The following CTIF variants were observed in gnomAD, a reference collection of about 807,000 sequenced individuals.
The protein encoded by CTIF is cap binding complex dependent translation initiation factor, also known as CBP80/20-dependent translation initiation factor.
In CTIF, 21 loss-of-function variants were observed where a neutral mutation model predicts 66.0. That is an observed-to-expected ratio of 0.32 (90% CI 0.23 to 0.46). CTIF has a LOEUF of 0.46. CTIF is among the 20% of genes least tolerant of loss of function. The probability of loss-of-function intolerance (pLI) is 1.00; values close to 1 mark genes in which losing one functional copy is unlikely to be tolerated. For synonymous variants in CTIF, 345 were observed against 326.4 expected, an observed-to-expected ratio of 1.06 and a Z score of -0.62; for missense variants, 739 against 812.7, an observed-to-expected ratio of 0.91 and a Z score of 1.10.
rs527717396 is a variant in CTIF at position 48,603,703 on chromosome 18, T to C, written c.-28-15835T>C. Among the ~76,000 whole-genome samples, 13 of 151,998 alleles carry C rather than the reference T, an allele frequency of 8.6e-5. No homozygotes were observed. In the South Asian group the frequency reaches 1.9e-3, roughly 22 times the overall value. ...GTGGATTGCTGGGTGGATGGATGGA[T>C]GAATAGATATAGATGGGTGGCTGGC... is the stretch of plus-strand genomic sequence containing the variant. On this transcript the variant is annotated intron_variant, in intron 1 of 11. Transcript: ENST00000256413.
Position 48,757,355 on chromosome 18 carries a change from G to A in CTIF, c.585-564G>A, listed in dbSNP as rs143473727. 5.4e-3 allele frequency among the ~76,000 whole-genome samples: 814 copies of A among 152,016 alleles called. 8 individuals carry two copies. Among genetic ancestry groups the A allele is most frequent in the African/African-American group, 0.019 (777 of 41,430 alleles). ...CCCATGAAAACTTGTTATAGCATAT[G>A]TAGTTTGTGGGTTTGGGGGTGAAAA... On this transcript the variant is annotated intron_variant, in intron 7 of 11. Transcript: ENST00000256413.
intron 7 of CTIF, among the ~76,000 whole-genome samples, chr18:48,745,847 C>CAGCAGTGG (rs2092591479): frequency 8.6e-5 from 13 of 152,042 alleles, no homozygotes; most frequent in African/African-American, 3.1e-4. Flanking sequence ...TTGAGGAGTC[C>CAGCAGTGG]TCTCTGTGAT....
chr18:48,705,982 TC>T (rs1336011611), intron 6 of CTIF, among the ~76,000 whole-genome samples: 2 of 152,212 alleles, frequency 1.3e-5, no homozygotes, highest in African/African-American at 4.8e-5. Context: ...AGTCTTATTC[TC>T]CTGATATTCT....
chr18:48,722,437 T>C lies in CTIF; in HGVS notation c.584+10742T>C, dbSNP rs185579410. Among the ~76,000 whole-genome samples, 454 of 152,056 alleles carry C rather than the reference T, an allele frequency of 3.0e-3. 2 individuals are homozygous for C. The highest frequency in any genetic ancestry group is 0.01 in the African/African-American group (422 of 41,458). ...GGTTTTGCCATGTTGCCTAAGCTGG[T>C]CTTGAACCCCTGGCCTCAAGCAATC... On this transcript the variant is annotated intron_variant, in intron 7 of 11. Coordinates refer to ENST00000256413, the MANE Select transcript of CTIF (RefSeq NM_014772.3).
intron 9 of CTIF, among the ~76,000 whole-genome samples, chr18:48,788,844 G>C (rs1438424991): frequency 6.6e-6 from 1 of 152,212 alleles, no homozygotes; most frequent in African/African-American, 2.4e-5. Flanking sequence ...GCCCAGAGGT[G>C]TAGGTAGGCC....
chr18:48,787,101 C>G (rs1245571149), intron 9 of CTIF, among the ~76,000 whole-genome samples: 3 of 152,152 alleles, frequency 2.0e-5, no homozygotes, highest in African/African-American at 7.2e-5. Context: ...GAGCTGTGGT[C>G]AGGACAACAG....
At chr18:48,572,993 A>T (rs1192117182) in intron 1 of CTIF, among the ~76,000 whole-genome samples, 1 of 151,812 alleles carries the variant, frequency 6.6e-6, no homozygotes, top group Non-Finnish European at 1.5e-5. Context: ...ACCCTGTCTT[A>T]AAAAAACAAG....
rs75322317 is a variant in CTIF at position 48,818,478 on chromosome 18, C to T, written c.1527+1102C>T. The stretch of plus-strand genomic sequence containing the variant: ...AAGCAAGAGTCAGTTATGTTTGAGT[C>T]GCCTGTTAGCTGTCCCTAGGGAACT... On this transcript the variant is annotated intron_variant, in intron 10 of 11. Transcript: ENST00000256413. 1.4e-3 allele frequency among the ~76,000 whole-genome samples: 217 copies of T among 152,254 alleles called. 7 individuals are homozygous for T. In the East Asian group the frequency reaches 0.039, roughly 28 times the overall value.
intron 11 of CTIF, among the ~76,000 whole-genome samples, chr18:48,858,032 C>T (rs984985094): frequency 2.0e-5 from 3 of 152,262 alleles, no homozygotes; most frequent in Non-Finnish European, 4.4e-5. Context: ...ACAGCCCACC[C>T]GAAAGCACAC....
chr18:48,575,345 C>T (rs1188606738), intron 1 of CTIF, among the ~76,000 whole-genome samples: 2 of 152,244 alleles, frequency 1.3e-5, no homozygotes, highest in African/African-American at 2.4e-5. Context: ...ACTCCATCTT[C>T]AACCCACTGG....
chr18:48,744,486 A>T (rs2092579171), intron 7 of CTIF, among the ~76,000 whole-genome samples: 1 of 152,204 alleles, frequency 6.6e-6, no homozygotes. Context: ...GAATAGTACA[A>T]AGAATTCTTA....
chr18:48,595,186 C>T (rs1349864973), intron 1 of CTIF, among the ~76,000 whole-genome samples: 1 of 152,174 alleles, frequency 6.6e-6, no homozygotes, highest in Non-Finnish European at 1.5e-5. Context: ...CTTCTTGTGG[C>T]CTATCCTTGG....
At chr18:48,799,937 G>A (rs1298727429) in intron 9 of CTIF, among the ~76,000 whole-genome samples, 2 of 152,224 alleles carry the variant, frequency 1.3e-5, no homozygotes, top group Admixed American at 6.5e-5. Context: ...GTTATGATGG[G>A]GCCACACAGA....
intron 9 of CTIF, among the ~76,000 whole-genome samples, chr18:48,764,521 T>C (rs1184490164): frequency 1.3e-5 from 2 of 152,104 alleles, no homozygotes; most frequent in Non-Finnish European, 2.9e-5. Context: ...GAGAAATGGA[T>C]GTCTGAAAAG....
intron 3 of CTIF, among the ~76,000 whole-genome samples, chr18:48,644,180 C>T (rs2090984352): frequency 6.6e-6 from 1 of 152,116 alleles, no homozygotes; most frequent in Non-Finnish European, 1.5e-5. Context: ...GTGGTTGGGT[C>T]ATTCCTTTGT....
chr18:48,547,134 T>A (rs141485497), intron 1 of CTIF, among the ~76,000 whole-genome samples: 1 of 152,220 alleles, frequency 6.6e-6, no homozygotes, highest in East Asian at 1.9e-4. Flanking sequence ...GAGGTGCCCC[T>A]CGGTAGGAAC....
intron 2 of CTIF, among the ~76,000 whole-genome samples, chr18:48,626,413 T>C (rs2090599849): frequency 6.6e-6 from 1 of 152,178 alleles, no homozygotes; most frequent in Non-Finnish European, 1.5e-5. Context: ...CATGGCATGC[T>C]CTCGGCTCAC....
Position 48,758,244 on chromosome 18 carries a change from G to A in CTIF, c.910G>A (p.Ala304Thr), listed in dbSNP as rs965260656. 6 of 1,613,304 alleles carry A rather than the reference G, an allele frequency of 3.7e-6. No homozygotes were observed. The African/African-American group carries it at 8.0e-5, about 22-fold the overall frequency. The change falls in exon 8 of 12, where the codon GCC (alanine) becomes ACC (threonine). Residue 304 changes from alanine (A) to threonine (T), a missense_variant. Coordinates refer to ENST00000256413, the MANE Select transcript of CTIF (RefSeq NM_014772.3). ...LEAPRSPDTLAPVASERLPPQ... is the reference protein window; with the variant it reads ...LEAPRSPDTLTPVASERLPPQ... Reference sequence around the variant, plus strand: ...GGCCCCCCGCAGCCCTGACACCCTGGCCCCGGTGGCTTCTGAGCGGCTGCC... The same window carrying A: ...GGCCCCCCGCAGCCCTGACACCCTGACCCCGGTGGCTTCTGAGCGGCTGCC...
chr18:48,606,762 G>T (rs1419748956), intron 1 of CTIF, among the ~76,000 whole-genome samples: 1 of 152,192 alleles, frequency 6.6e-6, no homozygotes, highest in Non-Finnish European at 1.5e-5. Flanking sequence ...GAGCCATTCT[G>T]TCCAGGTTTC....
Sources: gnomAD v4.1 joint callset for allele counts (sites outside exome capture counted in the v4.1 genomes callset) on GRCh38, gnomAD v4.1.1 for gene constraint, MANE v1.5 for transcripts, NCBI Gene and HGNC (gene_info 2026-07-23, HGNC 2026-07-21) for gene names.